The following ABCB5 variants were observed in gnomAD, a reference collection of about 807,000 sequenced individuals.
ABCB5 encodes the protein ATP-binding cassette sub-family B member 5.
Under a neutral mutation model 144.2 loss-of-function variants are expected in ABCB5, and 155 were observed. The observed-to-expected ratio is 1.08, with a 90% CI of 0.94 to 1.23. The LOEUF (loss-of-function observed/expected upper bound fraction) is 1.23, where lower values mean the gene tolerates loss of function less well. Ranked by LOEUF, ABCB5 falls within the 50% of genes most tolerant of loss-of-function variation. The pLI is 0.00. For synonymous variants in ABCB5, 610 were observed against 528.6 expected (o/e 1.15, Z -2.11); for missense variants, 1,830 against 1,520.8 (o/e 1.20, Z -3.38).
intron 13 of ABCB5, among the ~76,000 whole-genome samples, chr7:20,652,439 G>T (rs141314798): frequency 6.6e-6 from 1 of 152,074 alleles, no homozygotes; most frequent in African/African-American, 2.4e-5. Context: ...GTGTGGTGGC[G>T]CACACCTATA....
At chr7:20,733,601 G>A (rs1275166638) in intron 23 of ABCB5, among the ~76,000 whole-genome samples, 2 of 151,782 alleles carry the variant, frequency 1.3e-5, no homozygotes, top group Non-Finnish European at 2.9e-5. Context: ...ATCTGAGCTA[G>A]AGCCACTGGT....
chr7:20,720,162 C>T (rs1008442478), intron 20 of ABCB5, among the ~76,000 whole-genome samples: 4 of 152,062 alleles, frequency 2.6e-5, no homozygotes, highest in Non-Finnish European at 5.9e-5. Context: ...AGGACATATT[C>T]CAAAACTGAT....
intron 1 of ABCB5, among the ~76,000 whole-genome samples, chr7:20,617,529 G>A (rs1315794617): frequency 6.6e-6 from 1 of 152,122 alleles, no homozygotes; most frequent in African/African-American, 2.4e-5. Flanking sequence ...GATAAGTAGT[G>A]CCTTCTGTTT....
At chr7:20,706,672 A>T (rs1786834565) in intron 20 of ABCB5, among the ~76,000 whole-genome samples, 1 of 152,184 alleles carries the variant, frequency 6.6e-6, no homozygotes, top group South Asian at 2.1e-4. Flanking sequence ...TGGAATCCTG[A>T]TGAAAGATTT....
intron 16 of ABCB5, among the ~76,000 whole-genome samples, chr7:20,691,699 G>A (rs1209523920): frequency 6.6e-6 from 1 of 151,886 alleles, no homozygotes; most frequent in Non-Finnish European, 1.5e-5. Context: ...TTGCCTCAGA[G>A]GGGAAGATAA....
chr7:20,664,076 G>A (rs185196951), intron 14 of ABCB5, among the ~76,000 whole-genome samples: 109 of 151,794 alleles, frequency 7.2e-4, no homozygotes, highest in Non-Finnish European at 1.3e-3. Context: ...ATCTAAGCCT[G>A]AGTACAAAAG....
chr7:20,755,760 C>G lies in ABCB5; in HGVS notation c.*136C>G. On this transcript the variant is annotated 3_prime_UTR_variant, in exon 28 of 28. Coordinates refer to ENST00000404938, the MANE Select transcript of ABCB5 (RefSeq NM_001163941.2). ...CATGCTACTCAAGTACATACATGTTCTATTCACACACCATCTGACCTTCAG... is the reference window on the plus strand; with the variant it reads ...CATGCTACTCAAGTACATACATGTTGTATTCACACACCATCTGACCTTCAG... 2 of 841,080 alleles carry G rather than the reference C, an allele frequency of 2.4e-6. No individual in the cohort carries two copies. The highest frequency in any genetic ancestry group is 3.6e-5 in the South Asian group (2 of 55,628). 52.1% of individuals were successfully genotyped at this position (841,080 alleles called of 1,614,324 possible). A position where few individuals can be genotyped will look rare whatever the true frequency, so the allele number is the denominator to read the frequency against.
intron 26 of ABCB5, among the ~76,000 whole-genome samples, chr7:20,745,949 A>G (rs578086688): frequency 1.3e-5 from 2 of 152,318 alleles, no homozygotes; most frequent in African/African-American, 2.4e-5. Flanking sequence ...TTCCCCAGCA[A>G]CAACCTCACC....
At chr7:20,702,639 G>C (rs1267105540) in intron 19 of ABCB5, among the ~76,000 whole-genome samples, 1 of 147,436 alleles carries the variant, frequency 6.8e-6, no homozygotes, top group Non-Finnish European at 1.5e-5. Flanking sequence ...TAAACAATTA[G>C]TATTACATAT....
chr7:20,749,795 G>A (rs1344192237), intron 26 of ABCB5, among the ~76,000 whole-genome samples: 1 of 152,130 alleles, frequency 6.6e-6, no homozygotes. Flanking sequence ...AGAATTAAGA[G>A]GTGATCTGAG....
chr7:20,718,799 C>T (rs1781769528), intron 20 of ABCB5, among the ~76,000 whole-genome samples: 1 of 152,044 alleles, frequency 6.6e-6, no homozygotes, highest in Non-Finnish European at 1.5e-5. Flanking sequence ...TTTATTTTGA[C>T]TCAAATTATC....
intron 14 of ABCB5, among the ~76,000 whole-genome samples, chr7:20,670,449 A>G (rs80234161): frequency 0.01 from 1,563 of 152,274 alleles, 19 homozygotes; most frequent in Non-Finnish European, 0.014. Flanking sequence ...GATGAGCCCC[A>G]AATCCAACTG....
At chr7:20,650,213 C>T (rs940193488) in intron 12 of ABCB5, 66 bp downstream of exon 12, 4 of 1,566,016 alleles carry the variant, frequency 2.6e-6, no homozygotes, top group South Asian at 1.2e-5. Context: ...GCAGGGCTGG[C>T]AGCTCTGTAA....
chr7:20,731,803 G>T (rs1246962133), intron 23 of ABCB5, among the ~76,000 whole-genome samples: 1 of 152,068 alleles, frequency 6.6e-6, no homozygotes, highest in Non-Finnish European at 1.5e-5. Context: ...GATTCCTCAT[G>T]ACTCTAATTC....
rs576480452 is a variant in ABCB5 at position 20,626,502 on chromosome 7, T to A, written c.54-55T>A. ...CTTCTGCAAACTATTAATGGAAAAATTTTGCAAATTATATTCACATTGTAA... is the reference window on the plus strand; with the variant it reads ...CTTCTGCAAACTATTAATGGAAAAAATTTGCAAATTATATTCACATTGTAA... On this transcript the variant is annotated intron_variant, in intron 2 of 27. Transcript: ENST00000404938. 5.4e-5 allele frequency: 82 copies of A among 1,525,826 alleles called. 1 individual carries two copies. In the South Asian group the frequency reaches 9.4e-4, roughly 17 times the overall value. The allele number at this position is 1,525,826 out of a possible 1,614,324, so 94.5% of individuals were successfully genotyped here.
chr7:20,676,614 T>C (rs1785621656), intron 14 of ABCB5, among the ~76,000 whole-genome samples: 1 of 152,214 alleles, frequency 6.6e-6, no homozygotes, highest in Admixed American at 6.5e-5. Flanking sequence ...AGGGAATTGC[T>C]GTTCAGTGGG....
chr7:20,641,741 A>T (rs1305720557), intron 5 of ABCB5: 3 of 152,478 alleles, frequency 2.0e-5, no homozygotes, highest in Non-Finnish European at 4.4e-5. Context: ...TACTTAATTC[A>T]AGGTGGGTGT....
intron 2 of ABCB5, 149 bp downstream of exon 2, chr7:20,623,487 T>A (rs1310219588): frequency 1.0e-5 from 7 of 682,160 alleles, no homozygotes; most frequent in Non-Finnish European, 1.8e-5. Flanking sequence ...AGCAGTCTTA[T>A]AATTAATTTA....
intron 23 of ABCB5, among the ~76,000 whole-genome samples, chr7:20,736,741 T>C (rs765867592): frequency 3.9e-5 from 6 of 152,210 alleles, no homozygotes; most frequent in Non-Finnish European, 1.5e-5. Context: ...CTACAATAAA[T>C]ACTTGTTGAG....
Sources: allele counts gnomAD v4.1 joint callset (sites outside exome capture counted in the v4.1 genomes callset), GRCh38; gene constraint gnomAD v4.1.1; transcripts MANE v1.5; gene names NCBI Gene and HGNC (gene_info 2026-07-23, HGNC 2026-07-21).